Variants in PTPRK observed in about 807,000 individuals in gnomAD.
The protein encoded by PTPRK is protein tyrosine phosphatase receptor type K, also known as receptor-type tyrosine-protein phosphatase kappa.
A neutral mutation model predicts 178.0 loss-of-function variants in PTPRK; 75 were observed. The ratio of observed to expected loss-of-function variants is 0.42; its 90% CI spans 0.35 to 0.51. The LOEUF is 0.51. Among genes scored for constraint, PTPRK ranks in the 20% least tolerant of loss-of-function variants. The probability of loss-of-function intolerance (pLI) is 0.02; values close to 1 mark genes in which losing one functional copy is unlikely to be tolerated. For missense variants in PTPRK, 1,441 were observed against 1,797.8 expected, an observed-to-expected ratio of 0.80 and a Z score of 3.59; for synonymous variants, 637 against 620.6, an observed-to-expected ratio of 1.03 and a Z score of -0.39.
At chr6:128,371,210 CG>C (rs1836232550) in intron 2 of PTPRK, among the ~76,000 whole-genome samples, 1 of 152,154 alleles carries the variant, frequency 6.6e-6, no homozygotes, top group Non-Finnish European at 1.5e-5. Context: ...ATTATACTGT[CG>C]ATTCATTTTA....
intron 1 of PTPRK, among the ~76,000 whole-genome samples, chr6:128,433,255 A>G (rs1845069604): frequency 6.6e-6 from 1 of 151,930 alleles, no homozygotes; most frequent in Non-Finnish European, 1.5e-5. Flanking sequence ...ACCCCTCTTC[A>G]TCCCCGCTTT....
chr6:128,175,969 A>G (rs1355461227), intron 7 of PTPRK, among the ~76,000 whole-genome samples: 20 of 151,852 alleles, frequency 1.3e-4, no homozygotes, highest in African/African-American at 3.4e-4. Context: ...ATAAAAGCAC[A>G]ACATCCAAAC....
At chr6:128,340,754 A>G (rs1554228112) in intron 2 of PTPRK, 1 of 464,680 alleles carries the variant, frequency 2.2e-6, no homozygotes, top group Non-Finnish European at 4.2e-6. Context: ...GCAAATAGGT[A>G]CTTCTTTGTT....
At chr6:128,426,234 A>G (rs1844123154) in intron 1 of PTPRK, among the ~76,000 whole-genome samples, 1 of 152,136 alleles carries the variant, frequency 6.6e-6, no homozygotes, top group African/African-American at 2.4e-5. Flanking sequence ...TGTGCCTCCA[A>G]TGCGTATTAG....
rs994376708 is a variant in PTPRK, at chr6:128,194,653, C to G, written c.869-9928G>C. 5.3e-5 allele frequency among the ~76,000 whole-genome samples: 8 copies of G among 152,262 alleles called. No individual in the cohort carries two copies. In the South Asian group the frequency reaches 1.7e-3, roughly 32 times the overall value. On this transcript the variant is annotated intron_variant, in intron 6 of 29. Coordinates refer to ENST00000368226, the MANE Select transcript of PTPRK (RefSeq NM_002844.4). ...AATAAAACTAGGAAAGCCTTTAACTCTGTTCAGTTCACTGAAGTCTAGGGC... is the reference window on the plus strand; with the variant it reads ...AATAAAACTAGGAAAGCCTTTAACTGTGTTCAGTTCACTGAAGTCTAGGGC...
intron 1 of PTPRK, among the ~76,000 whole-genome samples, chr6:128,438,854 C>CA (rs1237313180): frequency 2.0e-5 from 3 of 151,748 alleles, no homozygotes; most frequent in African/African-American, 4.8e-5. Flanking sequence ...TCCTGGTACA[C>CA]AAAAAATACT....
chr6:128,191,872 G>C (rs781528019), intron 6 of PTPRK, among the ~76,000 whole-genome samples: 6 of 151,890 alleles, frequency 4.0e-5, no homozygotes, highest in Admixed American at 1.3e-4. Flanking sequence ...TTTTTCAAAA[G>C]GGCAATGGAG....
chr6:128,392,068 T>G (rs1326683937), intron 2 of PTPRK, among the ~76,000 whole-genome samples: 1 of 152,056 alleles, frequency 6.6e-6, no homozygotes, highest in Non-Finnish European at 1.5e-5. Context: ...GGTCCTGGAA[T>G]TATCTGTTTT....
At chr6:128,491,057 G>A (rs777851633) in intron 1 of PTPRK, among the ~76,000 whole-genome samples, 1 of 152,200 alleles carries the variant, frequency 6.6e-6, no homozygotes, top group Non-Finnish European at 1.5e-5. Context: ...ACAATTCAGT[G>A]CATAACAAAC....
intron 13 of PTPRK, among the ~76,000 whole-genome samples, chr6:128,031,289 C>A (rs1401157897): frequency 6.6e-6 from 1 of 152,140 alleles, no homozygotes; most frequent in South Asian, 2.1e-4. Context: ...CTTTGTAGAA[C>A]CCAGGTCATC....
chr6:128,049,926 C>T (rs200563075), intron 13 of PTPRK, among the ~76,000 whole-genome samples: 4 of 152,122 alleles, frequency 2.6e-5, no homozygotes, highest in Non-Finnish European at 4.4e-5. Context: ...CACCTGAGGT[C>T]GGGAGTTCAA....
intron 13 of PTPRK, among the ~76,000 whole-genome samples, chr6:128,046,108 T>C (rs546317298): frequency 1.3e-5 from 2 of 152,272 alleles, no homozygotes; most frequent in East Asian, 3.9e-4. Flanking sequence ...GAAACATTGA[T>C]TTTTCATTAA....
At chr6:128,125,942 G>A (rs1426537418) in intron 7 of PTPRK, among the ~76,000 whole-genome samples, 4 of 151,860 alleles carry the variant, frequency 2.6e-5, no homozygotes, top group Non-Finnish European at 5.9e-5. Flanking sequence ...TATATTATTT[G>A]AATCATACAA....
chr6:127,980,184 C>T (rs183193391), intron 25 of PTPRK, among the ~76,000 whole-genome samples: 223 of 152,314 alleles, frequency 1.5e-3, no homozygotes, highest in Middle Eastern at 3.4e-3. Context: ...GTGGTGCATG[C>T]CTGTAGTCCC....
intron 7 of PTPRK, among the ~76,000 whole-genome samples, chr6:128,176,516 T>A (rs1422048798): frequency 6.6e-6 from 1 of 151,866 alleles, no homozygotes; most frequent in Non-Finnish European, 1.5e-5. Flanking sequence ...TGCACAGATC[T>A]TGCTTAGGGT....
chr6:128,078,552 T>G (rs113315091), intron 11 of PTPRK, among the ~76,000 whole-genome samples: 2 of 152,038 alleles, frequency 1.3e-5, no homozygotes, highest in African/African-American at 4.8e-5. Context: ...TACAGTATAA[T>G]AAGGTATTTT....
intron 2 of PTPRK, among the ~76,000 whole-genome samples, chr6:128,326,586 G>C (rs1366870365): frequency 6.6e-6 from 1 of 152,200 alleles, no homozygotes; most frequent in East Asian, 1.9e-4. Context: ...AGTAAAATAT[G>C]CAGGTTATAA....
intron 2 of PTPRK, among the ~76,000 whole-genome samples, chr6:128,384,828 G>A (rs188923440): frequency 3.3e-5 from 5 of 151,498 alleles, no homozygotes; most frequent in African/African-American, 1.2e-4. Context: ...TTTTATCTCT[G>A]TTAAAATAAC....
At chr6:128,117,434 C>A (rs1037167010) in intron 7 of PTPRK, among the ~76,000 whole-genome samples, 1 of 152,126 alleles carries the variant, frequency 6.6e-6, no homozygotes, top group Non-Finnish European at 1.5e-5. Context: ...ATAACATTTA[C>A]AATCGCACGA....
Sources: allele counts gnomAD v4.1 joint callset (sites outside exome capture counted in the v4.1 genomes callset), GRCh38; gene constraint gnomAD v4.1.1; transcripts MANE v1.5; gene names NCBI Gene and HGNC (gene_info 2026-07-23, HGNC 2026-07-21).